Variants in ULK4 observed in about 807,000 individuals in gnomAD.
ULK4 encodes the protein inactive serine/threonine-protein kinase ULK4.
A neutral mutation model predicts 160.6 loss-of-function variants in ULK4; 133 were observed. The ratio of observed to expected loss-of-function variants is 0.83; its 90% confidence interval spans 0.72 to 0.96. ULK4 has a LOEUF of 0.96. Ranked by LOEUF, ULK4 falls within the 40% of genes least tolerant of loss-of-function variation. ULK4 has a pLI of 0.00. For synonymous variants in ULK4, 534 were observed against 539.8 expected (o/e 0.99, Z 0.15); for missense variants, 1,580 against 1,499.5 (o/e 1.05, Z -0.89).
intron 22 of ULK4, 132 bp downstream of exon 22, chr3:41,754,229 G>T: frequency 9.9e-7 from 1 of 1,013,608 alleles, no homozygotes; most frequent in Non-Finnish European, 1.4e-6. Flanking sequence ...GATTACAGGT[G>T]AAATATTAAG....
intron 11 of ULK4, among the ~76,000 whole-genome samples, chr3:41,910,444 A>C (rs1469661256): frequency 6.6e-6 from 1 of 151,974 alleles, no homozygotes; most frequent in Non-Finnish European, 1.5e-5. Context: ...AAATACAAAA[A>C]TTAGCCAGGC....
At position 41,651,272 on chromosome 3, in the gene ULK4, A is replaced by G. The variant is rs181989597; in HGVS notation, c.3071+12335T>C. Among the ~76,000 whole-genome samples, 7 of 152,254 alleles carry G rather than the reference A, an allele frequency of 4.6e-5. No homozygotes were observed. The East Asian group carries it at 1.2e-3, about 25-fold the overall frequency. ...ACTGCAGCTAGCACTAGCACAGCCAATTAGCTCCCTCTCCTCAATCCTACA... is the reference window on the plus strand; with the variant it reads ...ACTGCAGCTAGCACTAGCACAGCCAGTTAGCTCCCTCTCCTCAATCCTACA... On this transcript the variant is annotated intron_variant, in intron 30 of 36. Coordinates refer to ENST00000301831, the MANE Select transcript of ULK4 (RefSeq NM_017886.4).
At chr3:41,708,210 C>G (rs1197227233) in intron 25 of ULK4, among the ~76,000 whole-genome samples, 1 of 150,530 alleles carries the variant, frequency 6.6e-6, no homozygotes, top group African/African-American at 2.5e-5. Flanking sequence ...GAAATTAAAT[C>G]AGTATGTTGA....
At chr3:41,558,044 C>T (rs1251111413) in intron 32 of ULK4, among the ~76,000 whole-genome samples, 1 of 152,120 alleles carries the variant, frequency 6.6e-6, no homozygotes, top group Non-Finnish European at 1.5e-5. Context: ...TTACTTAGAG[C>T]AGCTTCTCAG....
intron 35 of ULK4, among the ~76,000 whole-genome samples, chr3:41,373,567 A>G (rs2081417173): frequency 6.6e-6 from 1 of 152,210 alleles, no homozygotes; most frequent in Non-Finnish European, 1.5e-5. Flanking sequence ...AGGCAGAAAT[A>G]AAGAAGTTCT....
Position 41,663,604 on chromosome 3 carries a change from T to C in ULK4, c.3071+3A>G. The C allele has an allele frequency of 6.2e-7, 1 of 1,612,302 alleles. No individual in the cohort carries two copies. Among genetic ancestry groups the C allele is most frequent in the Non-Finnish European group, 8.5e-7 (1 of 1,178,358 alleles). The stretch of plus-strand genomic sequence containing the variant: ...AAGAAAAAGAAATTTGAACTTCCAG[T>C]ACCTTGTGAAAGTTGGGTTGTGTTC... On this transcript the variant is annotated splice_donor_region_variant and intron_variant, in intron 30 of 36. Coordinates refer to ENST00000301831, the MANE Select transcript of ULK4 (RefSeq NM_017886.4).
intron 31 of ULK4, among the ~76,000 whole-genome samples, chr3:41,598,902 C>T (rs1402531955): frequency 6.6e-6 from 1 of 152,248 alleles, no homozygotes; most frequent in Non-Finnish European, 1.5e-5. Flanking sequence ...TGAGACAGTT[C>T]ACTGGAACAG....
chr3:41,581,144 A>G (rs1306797622), intron 31 of ULK4, among the ~76,000 whole-genome samples: 2 of 152,168 alleles, frequency 1.3e-5, no homozygotes, highest in East Asian at 1.9e-4. Context: ...GCAAGAAAAA[A>G]AAATCCTCAG....
At chr3:41,846,160 A>ATT (rs2042064093) in intron 17 of ULK4, among the ~76,000 whole-genome samples, 3 of 152,218 alleles carry the variant, frequency 2.0e-5, no homozygotes, top group African/African-American at 7.2e-5. Context: ...GCAAAAGTTA[A>ATT]CTTTGGATAG....
At chr3:41,615,584 T>C in intron 31 of ULK4, 85 bp downstream of exon 31, 1 of 1,351,296 alleles carries the variant, frequency 7.4e-7, no homozygotes, top group Non-Finnish European at 1.0e-6. Context: ...AGAGGCAGGG[T>C]TAGCAACACA....
At chr3:41,598,034 G>A (rs1349282197) in intron 31 of ULK4, among the ~76,000 whole-genome samples, 1 of 152,158 alleles carries the variant, frequency 6.6e-6, no homozygotes, top group East Asian at 1.9e-4. Context: ...CGTTCCCAAA[G>A]GGCTCAAGCT....
At chr3:41,325,167 C>T (rs2080317329) in intron 35 of ULK4, among the ~76,000 whole-genome samples, 1 of 152,070 alleles carries the variant, frequency 6.6e-6, no homozygotes, top group African/African-American at 2.4e-5. Flanking sequence ...CGCTCAGTCC[C>T]TAGTGACTAA....
intron 4 of ULK4, among the ~76,000 whole-genome samples, chr3:41,933,128 A>G (rs1409804609): frequency 2.6e-5 from 4 of 152,208 alleles, no homozygotes; most frequent in Admixed American, 1.3e-4. Flanking sequence ...GTTGGTCTAC[A>G]ACAGTGGCTT....
intron 19 of ULK4, among the ~76,000 whole-genome samples, chr3:41,817,546 T>C (rs1027845434): frequency 6.6e-6 from 1 of 152,106 alleles, no homozygotes; most frequent in Non-Finnish European, 1.5e-5. Context: ...CCATGTGTTC[T>C]CACTTATAAG....
chr3:41,896,231 G>T (rs1442108114), intron 15 of ULK4, among the ~76,000 whole-genome samples: 1 of 152,054 alleles, frequency 6.6e-6, no homozygotes, highest in Non-Finnish European at 1.5e-5. Flanking sequence ...AAGGTAAAAG[G>T]TCTGTCTTAT....
intron 35 of ULK4, among the ~76,000 whole-genome samples, chr3:41,290,943 A>C (rs886400876): frequency 6.6e-6 from 1 of 152,210 alleles, no homozygotes; most frequent in African/African-American, 2.4e-5. Flanking sequence ...TATTCACTGG[A>C]GACAACACAG....
intron 35 of ULK4, among the ~76,000 whole-genome samples, chr3:41,298,810 C>T (rs1384453704): frequency 6.6e-6 from 1 of 152,184 alleles, no homozygotes; most frequent in African/African-American, 2.4e-5. Context: ...GGGATGCACA[C>T]TGGTGTGTAC....
intron 35 of ULK4, among the ~76,000 whole-genome samples, chr3:41,266,254 A>G (rs1192121906): frequency 6.6e-6 from 1 of 152,104 alleles, no homozygotes; most frequent in Non-Finnish European, 1.5e-5. Context: ...GACTCAAAGG[A>G]GTTGTGACCA....
At chr3:41,487,225 G>A (rs914046711) in intron 32 of ULK4, among the ~76,000 whole-genome samples, 5 of 151,992 alleles carry the variant, frequency 3.3e-5, no homozygotes, top group Non-Finnish European at 7.4e-5. Context: ...TGAATAAATG[G>A]AAAGGTACAA....
Sources: allele counts gnomAD v4.1 joint callset (sites outside exome capture counted in the v4.1 genomes callset), GRCh38; gene constraint gnomAD v4.1.1; transcripts MANE v1.5; gene names NCBI Gene and HGNC (gene_info 2026-07-23, HGNC 2026-07-21).